GALNTL6: variants seen among roughly 807,000 people sequenced by gnomAD.
GALNTL6 encodes polypeptide N-acetylgalactosaminyltransferase-like 6.
A neutral mutation model predicts 73.7 loss-of-function variants in GALNTL6; 46 were observed. That is an observed-to-expected ratio of 0.62 (90% confidence interval 0.49 to 0.80). GALNTL6 has a LOEUF of 0.80. Among genes scored for constraint, GALNTL6 ranks in the 30% least tolerant of loss-of-function variants. The pLI, the probability that GALNTL6 is intolerant of heterozygous loss-of-function variation, is 0.00. For missense variants in GALNTL6, 604 were observed against 755.0 expected (o/e 0.80, Z 2.34); for synonymous variants, 259 against 263.7 (o/e 0.98, Z 0.17).
chr4:172,585,735 A>G (rs114719269), intron 5 of GALNTL6, among the ~76,000 whole-genome samples: 2,135 of 152,236 alleles, frequency 0.014, 46 homozygotes, highest in African/African-American at 0.048. Flanking sequence ...ATGTGTCTTT[A>G]TACTAGAATG....
intron 2 of GALNTL6, among the ~76,000 whole-genome samples, chr4:172,212,542 C>A (rs940787100): frequency 1.3e-5 from 2 of 152,100 alleles, no homozygotes; most frequent in African/African-American, 4.8e-5. Context: ...TGCAGACTGC[C>A]AGGTGTCCAT....
chr4:172,294,145 T>C (rs924451441), intron 3 of GALNTL6, among the ~76,000 whole-genome samples: 4 of 152,004 alleles, frequency 2.6e-5, no homozygotes, highest in Non-Finnish European at 5.9e-5. Context: ...AAGAAATCAA[T>C]CAAAAGGCGT....
intron 5 of GALNTL6, among the ~76,000 whole-genome samples, chr4:172,353,674 T>G (rs1340767186): frequency 1.3e-5 from 2 of 151,944 alleles, no homozygotes; most frequent in East Asian, 3.9e-4. Flanking sequence ...TGCTTTGGAA[T>G]CAGCCAATAG....
At chr4:171,947,265 C>A (rs1310261301) in intron 2 of GALNTL6, among the ~76,000 whole-genome samples, 2 of 152,008 alleles carry the variant, frequency 1.3e-5, no homozygotes, top group Admixed American at 1.3e-4. Flanking sequence ...TCATTTTTAA[C>A]AAAAATTTCA....
intron 11 of GALNTL6, among the ~76,000 whole-genome samples, chr4:173,015,870 C>G (rs1164195154): frequency 6.6e-6 from 1 of 152,246 alleles, no homozygotes. Context: ...ACAGCAGCCC[C>G]TCCCATCACA....
chr4:172,471,147 C>T lies in GALNTL6; in HGVS notation c.553+122458C>T, dbSNP rs78937884. On this transcript the variant is annotated intron_variant, in intron 5 of 12. Transcript: ENST00000506823. ...AAACACCTAGGGACCTTTTCCTGAT[C>T]TAGCAACCAAAGAGTGAACCCATGG... 2.0e-4 allele frequency among the ~76,000 whole-genome samples: 31 copies of T among 152,274 alleles called. No homozygotes were observed. The East Asian group carries it at 5.0e-3, about 25-fold the overall frequency.
chr4:172,048,080 A>G (rs1173522979), intron 2 of GALNTL6, among the ~76,000 whole-genome samples: 1 of 152,142 alleles, frequency 6.6e-6, no homozygotes, highest in African/African-American at 2.4e-5. Context: ...TTATCTTCAC[A>G]GTGCCTGGCA....
At chr4:172,387,048 C>T (rs575168645) in intron 5 of GALNTL6, among the ~76,000 whole-genome samples, 53 of 152,226 alleles carry the variant, frequency 3.5e-4, no homozygotes, top group Non-Finnish European at 7.4e-5. Flanking sequence ...TCAATCCAGT[C>T]AAGGTGACAG....
At chr4:172,687,624 T>C (rs1272430642) in intron 5 of GALNTL6, among the ~76,000 whole-genome samples, 1 of 41,664 alleles carries the variant, frequency 2.4e-5, no homozygotes, top group Non-Finnish European at 7.2e-5. Context: ...CAAGACTGTC[T>C]CAAAAAAAAA....
intron 2 of GALNTL6, among the ~76,000 whole-genome samples, chr4:171,935,636 A>C (rs1487270750): frequency 6.6e-6 from 1 of 152,138 alleles, no homozygotes; most frequent in Non-Finnish European, 1.5e-5. Flanking sequence ...CGCCTAGCTA[A>C]TTTTTTAAAT....
chr4:172,329,540 C>T (rs1741055046), intron 4 of GALNTL6, among the ~76,000 whole-genome samples: 1 of 152,098 alleles, frequency 6.6e-6, no homozygotes, highest in African/African-American at 2.4e-5. Flanking sequence ...AAGTATGAAC[C>T]TGTTGCTTGC....
At chr4:171,925,654 G>A (rs554902408) in intron 2 of GALNTL6, among the ~76,000 whole-genome samples, 56 of 152,078 alleles carry the variant, frequency 3.7e-4, no homozygotes, top group African/African-American at 1.2e-3. Flanking sequence ...TTGTTTTCTG[G>A]GATTATGATG....
chr4:171,947,214 C>T (rs62326315), intron 2 of GALNTL6, among the ~76,000 whole-genome samples: 122 of 152,046 alleles, frequency 8.0e-4, no homozygotes, highest in Non-Finnish European at 1.6e-3. Context: ...ACCTCTTTTG[C>T]TTTCTCCCAC....
At chr4:172,316,831 C>G (rs1181507931) in intron 4 of GALNTL6, among the ~76,000 whole-genome samples, 1 of 152,212 alleles carries the variant, frequency 6.6e-6, no homozygotes, top group African/African-American at 2.4e-5. Flanking sequence ...AAGTCACAGA[C>G]ATTGCTGGAT....
chr4:172,315,341 G>A (rs1341113924), intron 4 of GALNTL6, among the ~76,000 whole-genome samples: 2 of 152,116 alleles, frequency 1.3e-5, no homozygotes, highest in African/African-American at 4.8e-5. Context: ...TCAGCTCACT[G>A]CAACCTCTGC....
At chr4:172,742,585 C>T (rs548141716) in intron 5 of GALNTL6, among the ~76,000 whole-genome samples, 8 of 152,038 alleles carry the variant, frequency 5.3e-5, no homozygotes, top group East Asian at 1.9e-4. Context: ...AAAAAGTTGG[C>T]AAGCAGGTAA....
chr4:171,967,815 T>C (rs897099557), intron 2 of GALNTL6, among the ~76,000 whole-genome samples: 6 of 152,164 alleles, frequency 3.9e-5, no homozygotes, highest in Non-Finnish European at 7.3e-5. Context: ...TGAACAAATA[T>C]ATGATACTTG....
intron 2 of GALNTL6, among the ~76,000 whole-genome samples, chr4:171,985,754 A>ATATT (rs1210640484): frequency 2.6e-5 from 4 of 151,484 alleles, no homozygotes; most frequent in African/African-American, 9.7e-5. Context: ...ATATATATAT[A>ATATT]TATGCTTTTT....
At chr4:172,596,100 A>C in intron 5 of GALNTL6, among the ~76,000 whole-genome samples, 1 of 152,284 alleles carries the variant, frequency 6.6e-6, no homozygotes. Flanking sequence ...TTATTCCTTA[A>C]CATTTTCTTG....
Sources: allele counts gnomAD v4.1 joint callset (sites outside exome capture counted in the v4.1 genomes callset), GRCh38; gene constraint gnomAD v4.1.1; transcripts MANE v1.5; gene names NCBI Gene and HGNC (gene_info 2026-07-23, HGNC 2026-07-21).